DIP2C: variants seen among roughly 807,000 people sequenced by gnomAD.
DIP2C encodes the protein DIP2 acetate--CoA ligase C (putative).
A neutral mutation model predicts 192.4 loss-of-function variants in DIP2C; 33 were observed. The ratio of observed to expected loss-of-function variants is 0.17; its 90% confidence interval spans 0.13 to 0.23. The LOEUF is 0.23. DIP2C is among the 10% of genes least tolerant of loss of function. The pLI is 1.00. For synonymous variants in DIP2C, 979 were observed against 864.1 expected, an observed-to-expected ratio of 1.13 and a Z score of -2.33; for missense variants, 1,537 against 2,110.1, an observed-to-expected ratio of 0.73 and a Z score of 5.32.
At chr10:482,132 A>T (rs923550354) in intron 2 of DIP2C, among the ~76,000 whole-genome samples, 16 of 152,204 alleles carry the variant, frequency 1.1e-4, no homozygotes, top group African/African-American at 3.6e-4. Flanking sequence ...CCACCTGGAC[A>T]CGGCCAAGTG....
chr10:689,551 C>T lies in DIP2C; in HGVS notation c.28G>A (p.Ala10Thr). The change falls in exon 1 of 37, where the codon GCG (alanine) becomes ACG (threonine). Residue 10 changes from alanine (A) to threonine (T), a missense_variant. Physicochemically the swap from Ala to Thr is moderately conservative, Grantham distance 58. Around this residue, in one of 4 missense-constraint regions of DIP2C, gnomAD observed 473 missense variants for 539.6 expected, o/e 0.88. Transcript: ENST00000280886. The surrounding 1 kb of genome is among the most constrained non-coding windows in gnomAD (Gnocchi z 6.1). Reference sequence around the variant, plus strand: ...CGCGCCCGCACCTCCAGGGGCAGCGCCATGCCCTCCAGGCTGCGGTCCGCC... The same window carrying T: ...CGCGCCCGCACCTCCAGGGGCAGCGTCATGCCCTCCAGGCTGCGGTCCGCC... MADRSLEGMALPLEVRARLA... is the reference protein window; with the variant it reads MADRSLEGMTLPLEVRARLA... 1.6e-6 allele frequency: 2 copies of T among 1,276,818 alleles called. No individual in the cohort carries two copies. Among genetic ancestry groups the T allele is most frequent in the Non-Finnish European group, 2.0e-6 (2 of 994,722 alleles). 79.1% of individuals were successfully genotyped at this position (1,276,818 alleles called of 1,614,324 possible). A position where few individuals can be genotyped will look rare whatever the true frequency, so the allele number is the denominator to read the frequency against.
At chr10:673,747 A>G (rs1266539894) in intron 1 of DIP2C, among the ~76,000 whole-genome samples, 2 of 152,250 alleles carry the variant, frequency 1.3e-5, no homozygotes, top group Non-Finnish European at 2.9e-5. Context: ...GATTTTATCC[A>G]GAATCCTAAC....
intron 1 of DIP2C, among the ~76,000 whole-genome samples, chr10:523,316 A>T (rs112517743): frequency 1.3e-5 from 1 of 76,666 alleles, no homozygotes; most frequent in Non-Finnish European, 3.0e-5. Context: ...TGTGTGACCC[A>T]CACACTCGTT....
At chr10:283,493 CAGGG>C in intron 34 of DIP2C, 47 bp from the exon 35 acceptor site, 5 of 1,601,886 alleles carry the variant, frequency 3.1e-6, no homozygotes, top group Non-Finnish European at 4.3e-6. Flanking sequence ...ATTTTATCTC[CAGGG>C]AAATGAGACT....
At chr10:504,581 C>T (rs1017959844) in intron 1 of DIP2C, among the ~76,000 whole-genome samples, 1 of 151,894 alleles carries the variant, frequency 6.6e-6, no homozygotes, top group Admixed American at 6.6e-5. Flanking sequence ...AGAGAAGCAC[C>T]CACGGCTCCA....
intron 1 of DIP2C, among the ~76,000 whole-genome samples, chr10:609,866 C>G (rs1024923090): frequency 2.0e-5 from 3 of 152,184 alleles, no homozygotes; most frequent in Non-Finnish European, 4.4e-5. Flanking sequence ...CAATTAGAGA[C>G]AGAAACCCAA....
intron 28 of DIP2C, among the ~76,000 whole-genome samples, chr10:343,414 C>T (rs1958258609): frequency 1.3e-5 from 2 of 152,210 alleles, no homozygotes; most frequent in African/African-American, 4.8e-5. Context: ...ATCATTCATT[C>T]ATCACTCCAG....
chr10:349,167 C>T (rs1359614798), intron 25 of DIP2C, among the ~76,000 whole-genome samples, 164 bp downstream of exon 25: 2 of 152,304 alleles, frequency 1.3e-5, no homozygotes, highest in Admixed American at 6.5e-5. Context: ...TGTGAGTGGT[C>T]GTAGCCAGAC....
intron 1 of DIP2C, chr10:668,439 C>A (rs1041933605): frequency 1.3e-5 from 2 of 152,178 alleles, no homozygotes; most frequent in Non-Finnish European, 2.9e-5. Flanking sequence ...ACATACAATA[C>A]ATGCAACTCA....
At position 543,594 on chromosome 10, in the gene DIP2C, G is replaced by A. The variant is rs138712911; in HGVS notation, c.86-57064C>T. On this transcript the variant is annotated intron_variant, in intron 1 of 36. Transcript: ENST00000280886. ...TAGGCTGTAACATATAGTATGGATC[G>A]TTGTGTCTCCTAGGCTCAAACACAT... 3.7e-3 allele frequency among the ~76,000 whole-genome samples: 559 copies of A among 152,284 alleles called. 1 individual carries two copies. The highest frequency in any genetic ancestry group is 5.2e-3 in the Non-Finnish European group (356 of 68,028).
chr10:650,311 G>A (rs775725388), intron 1 of DIP2C: 49 of 716,506 alleles, frequency 6.8e-5, no homozygotes, highest in South Asian at 2.2e-4. Context: ...CATGGTGCCC[G>A]GGGCTGTGGA....
intron 35 of DIP2C, 97 bp downstream of exon 35, chr10:283,175 T>C (rs1954924596): frequency 6.7e-7 from 1 of 1,490,242 alleles, no homozygotes; most frequent in Non-Finnish European, 9.0e-7. Flanking sequence ...CCCTCCTGGC[T>C]TTGGCTGCTG....
At chr10:356,108 G>C (rs1036036291) in intron 24 of DIP2C, 36 of 464,088 alleles carry the variant, frequency 7.8e-5, no homozygotes, top group Non-Finnish European at 1.3e-4. Context: ...AACTAGTTTA[G>C]TAATCAAAAT....
At chr10:445,622 CGA>C (rs774472994) in intron 3 of DIP2C, among the ~76,000 whole-genome samples, 23,610 of 133,108 alleles carry the variant, frequency 0.18, 4,920 homozygotes, top group African/African-American at 0.51. Flanking sequence ...ACAACTGTTG[CGA>C]AGAGTCTATC....
At chr10:369,406 G>T in intron 18 of DIP2C, 88 bp downstream of exon 18, 1 of 1,449,714 alleles carries the variant, frequency 6.9e-7, no homozygotes, top group South Asian at 1.5e-5. Context: ...ACGGGAACGC[G>T]GGAACGTGGG....
At chr10:628,292 G>A (rs1158157573) in intron 1 of DIP2C, among the ~76,000 whole-genome samples, 2 of 152,210 alleles carry the variant, frequency 1.3e-5, no homozygotes, top group Admixed American at 1.3e-4. Context: ...TTGTGGATGG[G>A]CCTGTGGTTA....
intron 1 of DIP2C, among the ~76,000 whole-genome samples, chr10:567,005 G>T (rs12261462): frequency 0.047 from 7,216 of 152,192 alleles, 220 homozygotes; most frequent in East Asian, 0.08. Context: ...ATTCAGAAAG[G>T]GAAAAATAAT....
intron 14 of DIP2C, 109 bp from the exon 15 acceptor site, chr10:384,748 G>T (rs1348678652): frequency 9.1e-7 from 1 of 1,097,994 alleles, no homozygotes; most frequent in Non-Finnish European, 1.3e-6. Flanking sequence ...GGAGCTCTCA[G>T]GGAGCGCTGC....
chr10:305,691 C>G (rs1482316852), intron 32 of DIP2C, among the ~76,000 whole-genome samples: 1 of 152,194 alleles, frequency 6.6e-6, no homozygotes, highest in Non-Finnish European at 1.5e-5. Flanking sequence ...ATTGCCCAGG[C>G]TGGAGTGCAG....
Sources: allele counts gnomAD v4.1 joint callset (sites outside exome capture counted in the v4.1 genomes callset), GRCh38; gene constraint gnomAD v4.1.1; regional missense constraint gnomAD v4.1.1; non-coding constraint Gnocchi (gnomAD v3.1); transcripts MANE v1.5; gene names NCBI Gene and HGNC (gene_info 2026-07-23, HGNC 2026-07-21).